POU6F2: variants seen among roughly 807,000 people sequenced by gnomAD.
POU6F2 encodes the protein POU class 6 homeobox 2.
A neutral mutation model predicts 71.3 loss-of-function variants in POU6F2; 31 were observed. The ratio of observed to expected loss-of-function variants is 0.43; its 90% CI spans 0.33 to 0.59. The LOEUF is 0.59. Ranked by LOEUF, POU6F2 falls within the 20% of genes least tolerant of loss-of-function variation. The probability of loss-of-function intolerance (pLI) is 0.04; values close to 1 mark genes in which losing one functional copy is unlikely to be tolerated. For synonymous variants in POU6F2, 347 were observed against 355.7 expected, an observed-to-expected ratio of 0.98 and a Z score of 0.27; for missense variants, 783 against 856.8, an observed-to-expected ratio of 0.91 and a Z score of 1.07.
At chr7:39,182,687 G>T (rs1793457512) in intron 2 of POU6F2, among the ~76,000 whole-genome samples, 1 of 152,016 alleles carries the variant, frequency 6.6e-6, no homozygotes, top group African/African-American at 2.4e-5. Flanking sequence ...CTTTTCTGCT[G>T]CAATTGTAAA....
rs543254514 is a variant in POU6F2 at position 39,025,762 on chromosome 7, A to G, written c.105+47704A>G. On this transcript the variant is annotated intron_variant, in intron 1 of 9. Transcript: ENST00000518318. ...AAATTGACAAATCGGATCTAATTAA[A>G]CTAAAGAGCTTCTGCACAGCAAAAG... is the stretch of plus-strand genomic sequence containing the variant. Among the ~76,000 whole-genome samples, 608 of 150,772 alleles carry G rather than the reference A, an allele frequency of 4.0e-3. 1 individual carries two copies. Among genetic ancestry groups the G allele is most frequent in the African/African-American group, 0.014 (579 of 41,274 alleles).
intron 2 of POU6F2, among the ~76,000 whole-genome samples, chr7:39,203,067 T>TA (rs1793940286): frequency 1.3e-5 from 2 of 152,268 alleles, no homozygotes; most frequent in African/African-American, 4.8e-5. Context: ...GTCAATTGAA[T>TA]AATATGTAGC....
chr7:38,984,482 A>G (rs1788410905), intron 1 of POU6F2: 1 of 152,172 alleles, frequency 6.6e-6, no homozygotes, highest in Non-Finnish European at 1.5e-5. Context: ...TTGCTTCTTT[A>G]GTTTATATTT....
chr7:39,029,218 T>C (rs73369500), intron 1 of POU6F2, among the ~76,000 whole-genome samples: 3,655 of 152,294 alleles, frequency 0.024, 151 homozygotes, highest in African/African-American at 0.084. Context: ...GATTTTTATA[T>C]ATTGATCATA....
At chr7:39,361,508 A>G (rs1055912098) in intron 5 of POU6F2, among the ~76,000 whole-genome samples, 2 of 152,236 alleles carry the variant, frequency 1.3e-5, no homozygotes, top group Non-Finnish European at 2.9e-5. Flanking sequence ...ATGCAGACCT[A>G]CTAAAATGCA....
chr7:39,095,535 G>T (rs372464378), intron 2 of POU6F2, among the ~76,000 whole-genome samples: 13 of 152,160 alleles, frequency 8.5e-5, no homozygotes, highest in African/African-American at 3.1e-4. Context: ...CATCTGTAGA[G>T]TATCAATATG....
At chr7:39,281,817 C>T (rs1364000264) in intron 4 of POU6F2, among the ~76,000 whole-genome samples, 2 of 152,026 alleles carry the variant, frequency 1.3e-5, no homozygotes, top group African/African-American at 2.4e-5. Context: ...GGCTATATAC[C>T]CAGTACTTGG....
intron 4 of POU6F2, among the ~76,000 whole-genome samples, chr7:39,255,353 G>T (rs970867748): frequency 6.6e-6 from 1 of 152,162 alleles, no homozygotes; most frequent in Non-Finnish European, 1.5e-5. Context: ...AAGTATTCCT[G>T]CCCAGAGTAG....
At chr7:39,052,459 G>T in intron 1 of POU6F2, among the ~76,000 whole-genome samples, 1 of 152,224 alleles carries the variant, frequency 6.6e-6, no homozygotes, top group East Asian at 1.9e-4. Flanking sequence ...GGCAGCAGGA[G>T]AGAGAATGAA....
At chr7:39,309,673 A>G (rs1455579627) in intron 4 of POU6F2, among the ~76,000 whole-genome samples, 2 of 152,236 alleles carry the variant, frequency 1.3e-5, no homozygotes, top group African/African-American at 4.8e-5. Flanking sequence ...AAGAAAGCCT[A>G]CGCTTGTCAT....
At chr7:39,463,601 A>T (rs1171153812) in intron 9 of POU6F2, among the ~76,000 whole-genome samples, 1 of 152,214 alleles carries the variant, frequency 6.6e-6, no homozygotes, top group East Asian at 1.9e-4. Context: ...GGAGAGAAAA[A>T]GAGAGAGAAG....
At chr7:39,397,557 A>G (rs1006027019) in intron 5 of POU6F2, among the ~76,000 whole-genome samples, 1 of 148,774 alleles carries the variant, frequency 6.7e-6, no homozygotes, top group Non-Finnish European at 1.5e-5. Context: ...CAATGGCGCA[A>G]TCTGGACTTA....
chr7:39,191,335 A>G (rs1269715396), intron 2 of POU6F2, among the ~76,000 whole-genome samples: 4 of 152,148 alleles, frequency 2.6e-5, no homozygotes, highest in East Asian at 1.9e-4. Flanking sequence ...TTTTTAAACT[A>G]TTGGATACTT....
chr7:39,114,914 G>C (rs953909876), intron 2 of POU6F2, among the ~76,000 whole-genome samples: 3 of 152,132 alleles, frequency 2.0e-5, no homozygotes, highest in Admixed American at 6.5e-5. Context: ...ATAGACATGT[G>C]TGTGTTTGCA....
At chr7:39,457,128 T>G (rs1052137187) in intron 8 of POU6F2, among the ~76,000 whole-genome samples, 1 of 152,178 alleles carries the variant, frequency 6.6e-6, no homozygotes, top group Non-Finnish European at 1.5e-5. Flanking sequence ...AAGGAACTAG[T>G]AAGGACACAT....
At chr7:39,391,862 AT>A (rs1787082074) in intron 5 of POU6F2, among the ~76,000 whole-genome samples, 2 of 152,286 alleles carry the variant, frequency 1.3e-5, no homozygotes, top group African/African-American at 2.4e-5. Flanking sequence ...TTAAAGTTCC[AT>A]TGTTTTCCCT....
chr7:39,308,265 C>T (rs954936325), intron 4 of POU6F2, among the ~76,000 whole-genome samples: 10 of 152,168 alleles, frequency 6.6e-5, no homozygotes, highest in African/African-American at 2.2e-4. Context: ...ATTCCAAGTA[C>T]CCCCAACCTA....
intron 4 of POU6F2, among the ~76,000 whole-genome samples, chr7:39,306,088 G>A (rs372939399): frequency 2.6e-5 from 4 of 152,006 alleles, no homozygotes; most frequent in African/African-American, 7.3e-5. Context: ...ATATCCATGA[G>A]CAATGTCTAA....
intron 5 of POU6F2, among the ~76,000 whole-genome samples, chr7:39,378,380 C>T (rs1254407435): frequency 6.6e-6 from 1 of 152,194 alleles, no homozygotes; most frequent in Non-Finnish European, 1.5e-5. Flanking sequence ...CCTGAATCCC[C>T]TCCAATCCCG....
Sources: allele counts gnomAD v4.1 joint callset (sites outside exome capture counted in the v4.1 genomes callset), GRCh38; gene constraint gnomAD v4.1.1; transcripts MANE v1.5; gene names NCBI Gene and HGNC (gene_info 2026-07-23, HGNC 2026-07-21).